The following ALG1 variants were observed in gnomAD, a reference collection of about 807,000 sequenced individuals.
ALG1 encodes the protein ALG1 chitobiosyldiphosphodolichol beta-mannosyltransferase.
A neutral mutation model predicts 55.1 loss-of-function variants in ALG1; 58 were observed. That is an observed-to-expected ratio of 1.05 (90% confidence interval 0.85 to 1.31). The LOEUF is 1.31. Ranked by LOEUF, ALG1 falls within the 50% of genes most tolerant of loss-of-function variation. ALG1 has a pLI of 0.00. For synonymous variants in ALG1, 309 were observed against 247.0 expected, an observed-to-expected ratio of 1.25 and a Z score of -2.35; for missense variants, 761 against 598.6, an observed-to-expected ratio of 1.27 and a Z score of -2.83.
chr16:5,071,877 G>A lies in ALG1; in HGVS notation c.28G>A (p.Ala10Thr). MAASCLVLLALCLLLPLLLL... is the reference protein window; with the variant it reads MAASCLVLLTLCLLLPLLLL... ...GGCGGCCTCATGCTTGGTCCTGCTGGCGCTGTGTCTGCTGCTGCCGCTGCT... is the reference window on the plus strand; with the variant it reads ...GGCGGCCTCATGCTTGGTCCTGCTGACGCTGTGTCTGCTGCTGCCGCTGCT... The change falls in exon 1 of 13, where the codon GCG becomes ACG. Residue 10 changes from alanine (A) to threonine (T), a missense_variant. Physicochemically the swap from Ala to Thr is moderately conservative, Grantham distance 58. Coordinates refer to ENST00000262374, the MANE Select transcript of ALG1 (RefSeq NM_019109.5). 6.2e-7 allele frequency: 1 copy of A among 1,604,562 alleles called. No individual in the cohort carries two copies.
chr16:5,075,403 C>T lies in ALG1; in HGVS notation c.406C>T (p.Pro136Ser). The T allele has an allele frequency of 1.2e-6, 2 of 1,614,184 alleles. No homozygotes were observed. The highest frequency in any genetic ancestry group is 4.5e-5 in the East Asian group (2 of 44,888). The change falls in exon 4 of 13, where the codon CCT becomes TCT. Residue 136 changes from proline to serine, a missense_variant. Pro to Ser is a moderately conservative substitution (Grantham distance 74). Transcript: ENST00000262374. ...YIFLQNPPGL[P>S]SIAVCWFVGC... ...TCTTTCCTAGAACCCCCCAGGTCTG[C>T]CTAGCATTGCTGTCTGCTGGTTCGT...
At chr16:5,081,958 T>A (rs1596260456) in intron 10 of ALG1, among the ~76,000 whole-genome samples, 1 of 152,248 alleles carries the variant, frequency 6.6e-6, no homozygotes, top group East Asian at 1.9e-4. Flanking sequence ...TATTATCATT[T>A]TGAGATGGAG....
chr16:5,076,417 C>G (rs1362980261), intron 4 of ALG1, among the ~76,000 whole-genome samples: 2 of 152,222 alleles, frequency 1.3e-5, no homozygotes, highest in African/African-American at 2.4e-5. Flanking sequence ...GTATTTTACC[C>G]TGTTCAATCT....
At position 5,082,487 on chromosome 16, in the gene ALG1, C is replaced by G; in HGVS notation, c.1073-72C>G. ...TTTCACTCTCCTTGGGGGATGCTGC[C>G]TCACTGTGCTGGGAGGATTTGTGTT... On this transcript the variant is annotated intron_variant, in intron 10 of 12. Transcript: ENST00000262374. 3 of 1,507,544 alleles carry G rather than the reference C, an allele frequency of 2.0e-6. No homozygotes were observed. In the South Asian group the frequency reaches 3.4e-5, roughly 17 times the overall value. 93.4% of individuals were successfully genotyped at this position (1,507,544 alleles called of 1,614,324 possible).
At chr16:5,082,355 C>T (rs774913139) in intron 10 of ALG1, among the ~76,000 whole-genome samples, 6 of 152,152 alleles carry the variant, frequency 3.9e-5, no homozygotes, top group Admixed American at 2.0e-4. Context: ...ATTGTGGTTA[C>T]GTATAAAAAG....
chr16:5,083,241 C>T (rs1416616372), intron 11 of ALG1, among the ~76,000 whole-genome samples: 2 of 152,126 alleles, frequency 1.3e-5, no homozygotes, highest in Admixed American at 6.5e-5. Context: ...GGAGCCGGCC[C>T]CTGGATGGGA....
intron 3 of ALG1, 50 bp downstream of exon 3, chr16:5,073,306 C>G (rs1956852404): frequency 1.6e-5 from 25 of 1,531,774 alleles, no homozygotes; most frequent in Non-Finnish European, 2.3e-5. Context: ...TAGCAGTTTA[C>G]TTTCCAGCAC....
chr16:5,081,096 AAC>A, intron 10 of ALG1, 40 bp downstream of exon 10: 1 of 1,536,602 alleles, frequency 6.5e-7, no homozygotes, highest in Admixed American at 1.8e-5. Flanking sequence ...AGGCGGGGGG[AAC>A]AGGGTGGGCG....
chr16:5,076,893 C>T (rs1337154148), intron 4 of ALG1, among the ~76,000 whole-genome samples: 1 of 146,268 alleles, frequency 6.8e-6, no homozygotes, highest in Non-Finnish European at 1.5e-5. Flanking sequence ...CTTCTGGGTT[C>T]AAGCAATTCT....
rs779627691 is a variant in ALG1, at chr16:5,082,539, C to T, written c.1073-20C>T. The T allele has an allele frequency of 1.5e-5, 24 of 1,610,774 alleles. No individual in the cohort carries two copies. Among genetic ancestry groups the T allele is most frequent in the Non-Finnish European group, 1.7e-5 (20 of 1,178,928 alleles). On this transcript the variant is annotated intron_variant, in intron 10 of 12. Transcript: ENST00000262374. Reference sequence around the variant, plus strand: ...CCAGGGCAGAGACCAGTGCTCTGACCCACCCCTCTTGCCTAGCAGGGTCGG... The same window carrying T: ...CCAGGGCAGAGACCAGTGCTCTGACTCACCCCTCTTGCCTAGCAGGGTCGG...
At position 5,083,720 on chromosome 16, in the gene ALG1, T is replaced by C. The variant is rs778650901; in HGVS notation, c.1226T>C (p.Val409Ala). 1 of 1,598,738 alleles carries C rather than the reference T, an allele frequency of 6.3e-7. No homozygotes were observed. The highest frequency in any genetic ancestry group is 8.5e-7 in the Non-Finnish European group (1 of 1,179,768). ...GTGAAACATGAAGAAAATGGCCTGG[T>C]CTTTGAGGACTCAGAGGAACTGGCA... ...ELVKHEENGL[V>A]FEDSEELAAQ... The change falls in exon 12 of 13, where the codon GTC becomes GCC. Residue 409 changes from valine (V) to alanine (A), a missense_variant. Val to Ala is a moderately conservative substitution (Grantham distance 64). Coordinates refer to ENST00000262374, the MANE Select transcript of ALG1 (RefSeq NM_019109.5).
At position 5,072,794 on chromosome 16, in the gene ALG1, T is replaced by A. The variant is rs1309660710; in HGVS notation, c.209-157T>A. ...CCTCCTAGAGCAATCTGAACAAGAATTGGCCGCATTCTCTGTTCTGGCTAG... is the reference window on the plus strand; with the variant it reads ...CCTCCTAGAGCAATCTGAACAAGAAATGGCCGCATTCTCTGTTCTGGCTAG... On this transcript the variant is annotated intron_variant, in intron 1 of 12. Coordinates refer to ENST00000262374, the MANE Select transcript of ALG1 (RefSeq NM_019109.5). Among the ~76,000 whole-genome samples the A allele has an allele frequency of 2.6e-5, 4 of 152,344 alleles. No homozygotes were observed. The East Asian group carries it at 7.7e-4, about 29-fold the overall frequency.
In ALG1 at chr16:5,079,769, A is replaced by G. The variant is rs1258346392; in HGVS notation, c.923A>G (p.Asp308Gly). 6.2e-7 allele frequency: 1 copy of G among 1,611,488 alleles called. No individual in the cohort carries two copies. Among genetic ancestry groups the G allele is most frequent in the Non-Finnish European group, 8.5e-7 (1 of 1,179,710 alleles). ...ACAGAGTTTGAACAACTGACTCTTG[A>G]TGGACACAACCTTCCTTCTCTCGTC... ...ALEKFEQLTLDGHNLPSLVCV... is the reference protein window; with the variant it reads ...ALEKFEQLTLGGHNLPSLVCV... The change falls in exon 9 of 13, where the codon GAT becomes GGT. Residue 308 changes from aspartate to glycine, a missense_variant. Transcript: ENST00000262374.
rs773704908 is a variant in ALG1 at position 5,082,686 on chromosome 16, C to A, written c.1187+13C>A. The A allele has an allele frequency of 1.6e-5, 25 of 1,610,678 alleles. No individual in the cohort carries two copies. The highest frequency in any genetic ancestry group is 2.1e-5 in the Non-Finnish European group (25 of 1,179,778). Reference sequence around the variant, plus strand: ...TGAACTTCAAGTGGTAGGAGCAGAACCCAAATCCTTCTGGGGATAGCTTTG... The same window carrying A: ...TGAACTTCAAGTGGTAGGAGCAGAAACCAAATCCTTCTGGGGATAGCTTTG... On this transcript the variant is annotated intron_variant, in intron 11 of 12. Transcript: ENST00000262374.
At position 5,073,182 on chromosome 16, in the gene ALG1, A is replaced by C. The variant is rs1956850113; in HGVS notation, c.316A>C (p.Lys106Gln). Residue 106 changes from lysine to glutamine, a missense_variant, in exon 3 of 13, where the codon AAA (lysine) becomes CAA (glutamine). By Grantham distance (53) the Lys-to-Gln change is moderately conservative. Transcript: ENST00000262374. ...GCCCCGAGTTTTCCAGTACGGAGTCAAAGTTGTACTTCAGGCTATGTACTT... is the reference window on the plus strand; with the variant it reads ...GCCCCGAGTTTTCCAGTACGGAGTCCAAGTTGTACTTCAGGCTATGTACTT... ...VGPRVFQYGV[K>Q]VVLQAMYLLW... The C allele has an allele frequency of 1.2e-6, 2 of 1,614,096 alleles. No homozygotes were observed. The highest frequency in any genetic ancestry group is 1.7e-5 in the Admixed American group (1 of 59,994).
At chr16:5,072,341 T>C in intron 1 of ALG1, 3 of 1,179,034 alleles carry the variant, frequency 2.5e-6, no homozygotes, top group Non-Finnish European at 3.4e-6. Flanking sequence ...CCAGGGCTAG[T>C]GCTGGTAGCT....
chr16:5,072,827 CAG>C, intron 1 of ALG1, 122 bp from the exon 2 acceptor site: 2 of 925,854 alleles, frequency 2.2e-6, no homozygotes, highest in East Asian at 2.4e-5. Flanking sequence ...TAGTGAGGAG[CAG>C]AGAGAGGTTT....
At chr16:5,072,191 G>A in intron 1 of ALG1, 134 bp downstream of exon 1, 1 of 1,388,038 alleles carries the variant, frequency 7.2e-7, no homozygotes, top group Non-Finnish European at 9.3e-7. Context: ...TTAGACGAGC[G>A]GTTCTGCCCC....
Position 5,071,889 on chromosome 16 carries a change from C to G in ALG1, c.40C>G (p.Leu14Val), listed in dbSNP as rs754947444. 6.3e-7 allele frequency: 1 copy of G among 1,599,680 alleles called. No homozygotes were observed. Among genetic ancestry groups the G allele is most frequent in the Admixed American group, 1.7e-5 (1 of 58,450 alleles). ...SCLVLLALCL[L>V]LPLLLLGGWK... is the part of the protein sequence containing the mutation. ...CTTGGTCCTGCTGGCGCTGTGTCTG[C>G]TGCTGCCGCTGCTGCTGCTGGGAGG... Residue 14 changes from leucine to valine, a missense_variant, in exon 1 of 13, where the codon CTG becomes GTG. Coordinates refer to ENST00000262374, the MANE Select transcript of ALG1 (RefSeq NM_019109.5).
Sources: allele counts gnomAD v4.1 joint callset (sites outside exome capture counted in the v4.1 genomes callset), GRCh38; gene constraint gnomAD v4.1.1; transcripts MANE v1.5; gene names NCBI Gene and HGNC (gene_info 2026-07-23, HGNC 2026-07-21).